CSMD3: variants seen among roughly 807,000 people sequenced by gnomAD.
The protein encoded by CSMD3 is CUB and sushi domain-containing protein 3.
CSMD3 carries 177 observed loss-of-function variants against 435.2 expected under a neutral mutation model. The ratio of observed to expected loss-of-function variants is 0.41; its 90% CI spans 0.36 to 0.46. The LOEUF is 0.46. Ranked by LOEUF, CSMD3 falls within the 20% of genes least tolerant of loss-of-function variation. The pLI, the probability that CSMD3 is intolerant of heterozygous loss-of-function variation, is 0.34. For missense variants in CSMD3, 4,265 were observed against 4,504.6 expected, an observed-to-expected ratio of 0.95 and a Z score of 1.52; for synonymous variants, 1,656 against 1,520.5, an observed-to-expected ratio of 1.09 and a Z score of -2.07.
chr8:113,089,407 A>G (rs1278754545), intron 5 of CSMD3, among the ~76,000 whole-genome samples: 2 of 152,140 alleles, frequency 1.3e-5, no homozygotes, highest in Admixed American at 1.3e-4. Context: ...TAATTTAAAT[A>G]CAAGTCATAG....
chr8:113,117,679 G>A (rs2090873840), intron 4 of CSMD3, among the ~76,000 whole-genome samples: 2 of 152,202 alleles, frequency 1.3e-5, no homozygotes. Context: ...AGGCAGCCAG[G>A]AGAGGTGTTG....
At chr8:112,375,480 G>A (rs752865574) in intron 38 of CSMD3, among the ~76,000 whole-genome samples, 3 of 151,994 alleles carry the variant, frequency 2.0e-5, no homozygotes, top group Non-Finnish European at 4.4e-5. Context: ...ATTTCCCTCA[G>A]GAAGAGCAGT....
intron 35 of CSMD3, among the ~76,000 whole-genome samples, chr8:112,394,222 A>G (rs964660665): frequency 6.6e-6 from 1 of 152,108 alleles, no homozygotes; most frequent in African/African-American, 2.4e-5. Context: ...TTCTCAATCT[A>G]TCAGTAATGG....
chr8:112,367,295 G>T (rs1227374670), intron 38 of CSMD3, among the ~76,000 whole-genome samples: 2 of 151,932 alleles, frequency 1.3e-5, no homozygotes, highest in Non-Finnish European at 2.9e-5. Flanking sequence ...AATACTTTTG[G>T]TTCCTAGATT....
intron 69 of CSMD3, among the ~76,000 whole-genome samples, chr8:112,229,455 G>T (rs1354040446): frequency 3.3e-5 from 5 of 151,648 alleles, no homozygotes; most frequent in African/African-American, 1.2e-4. Flanking sequence ...TTGAGACAGG[G>T]TCTCACTTTG....
At chr8:112,282,811 T>A (rs1818791912) in intron 58 of CSMD3, among the ~76,000 whole-genome samples, 1 of 152,116 alleles carries the variant, frequency 6.6e-6, no homozygotes, top group South Asian at 2.1e-4. Flanking sequence ...CAGCAACTAC[T>A]TTGCCTCTGC....
intron 38 of CSMD3, among the ~76,000 whole-genome samples, chr8:112,376,487 T>C (rs1828952205): frequency 6.6e-6 from 1 of 152,144 alleles, no homozygotes; most frequent in African/African-American, 2.4e-5. Flanking sequence ...TGCTTATCAA[T>C]TGCAGCTGTT....
intron 31 of CSMD3, among the ~76,000 whole-genome samples, chr8:112,490,845 T>C (rs1820617743): frequency 6.6e-6 from 1 of 152,158 alleles, no homozygotes; most frequent in Non-Finnish European, 1.5e-5. Context: ...CAGTGACCCT[T>C]TCTCCTAAAT....
At chr8:113,187,145 T>C (rs1383619509) in intron 3 of CSMD3, among the ~76,000 whole-genome samples, 1 of 151,820 alleles carries the variant, frequency 6.6e-6, no homozygotes, top group African/African-American at 2.4e-5. Context: ...GGGAGTTTTT[T>C]TTTTTCTTCT....
At chr8:112,237,946 T>C (rs1813745856) in intron 66 of CSMD3, among the ~76,000 whole-genome samples, 1 of 152,048 alleles carries the variant, frequency 6.6e-6, no homozygotes, top group Non-Finnish European at 1.5e-5. Context: ...ACTAGTATTG[T>C]TGGACTCTCA....
chr8:112,655,413 T>C (rs918765791), intron 18 of CSMD3, among the ~76,000 whole-genome samples: 1 of 152,084 alleles, frequency 6.6e-6, no homozygotes, highest in Non-Finnish European at 1.5e-5. Context: ...TGTACACATA[T>C]GTAAATTTAT....
intron 27 of CSMD3, among the ~76,000 whole-genome samples, chr8:112,527,126 T>C (rs1441156357): frequency 6.6e-6 from 1 of 151,898 alleles, no homozygotes; most frequent in Non-Finnish European, 1.5e-5. Flanking sequence ...TAAATATAAG[T>C]AGTCTAATGG....
At chr8:113,199,911 G>A (rs1426403535) in intron 3 of CSMD3, among the ~76,000 whole-genome samples, 1 of 151,866 alleles carries the variant, frequency 6.6e-6, no homozygotes, top group Non-Finnish European at 1.5e-5. Context: ...TCTTCCAGGT[G>A]CAGGGCCTTG....
chr8:112,611,226 A>G (rs1833234414), intron 22 of CSMD3, among the ~76,000 whole-genome samples: 1 of 152,210 alleles, frequency 6.6e-6, no homozygotes, highest in Admixed American at 6.6e-5. Flanking sequence ...TGTGAATACA[A>G]AAATTAGGAG....
At chr8:112,985,207 G>A (rs537715663) in intron 6 of CSMD3, among the ~76,000 whole-genome samples, 43 of 152,020 alleles carry the variant, frequency 2.8e-4, no homozygotes, top group Non-Finnish European at 5.0e-4. Context: ...AGAGACATTG[G>A]CATTGATCTT....
At chr8:112,697,696 C>T (rs1423320214) in intron 13 of CSMD3, among the ~76,000 whole-genome samples, 3 of 151,800 alleles carry the variant, frequency 2.0e-5, no homozygotes, top group South Asian at 2.1e-4. Context: ...ATGTAACAAA[C>T]GTTGTGCACA....
chr8:113,399,541 GT>G (rs1300942751), intron 1 of CSMD3, among the ~76,000 whole-genome samples: 2 of 151,308 alleles, frequency 1.3e-5, no homozygotes, highest in African/African-American at 4.9e-5. Flanking sequence ...AAAAAAAAAA[GT>G]TACAAAAGAT....
intron 32 of CSMD3, among the ~76,000 whole-genome samples, chr8:112,455,628 T>A (rs1816757335): frequency 8.7e-6 from 1 of 114,714 alleles, no homozygotes; most frequent in South Asian, 2.8e-4. Flanking sequence ...AATAAATAAA[T>A]AAATCAAAGC....
chr8:112,291,556 T>C lies in CSMD3; in HGVS notation c.8928A>G (p.Ile2976Met). Residue 2976 changes from isoleucine (I) to methionine (M), a missense_variant, in exon 56 of 71, where the codon ATA (isoleucine) becomes ATG (methionine). This residue lies in a region of CSMD3 where 3,255 missense variants were observed against 3,380.2 expected (regional missense o/e 0.96). Coordinates refer to ENST00000297405, the MANE Select transcript of CSMD3 (RefSeq NM_198123.2). ...TGTCCCATTGTCCATTTGGTTGACATATCAAAACTGAAGATCCAAATAAAA... is the reference window on the plus strand; with the variant it reads ...TGTCCCATTGTCCATTTGGTTGACACATCAAAACTGAAGATCCAAATAAAA... ...GYFLFGSSVL[I>M]CQPNGQWDKP... The C allele has an allele frequency of 6.2e-7, 1 of 1,611,638 alleles. No individual in the cohort carries two copies. The highest frequency in any genetic ancestry group is 2.2e-5 in the East Asian group (1 of 44,702).
Sources: gnomAD v4.1 joint callset for allele counts (sites outside exome capture counted in the v4.1 genomes callset) on GRCh38, gnomAD v4.1.1 for gene constraint, gnomAD v4.1.1 regional missense constraint, MANE v1.5 for transcripts, NCBI Gene and HGNC (gene_info 2026-07-23, HGNC 2026-07-21) for gene names.